YWHAG: variants seen among roughly 807,000 people sequenced by gnomAD.
YWHAG encodes tyrosine 3-monooxygenase/tryptophan 5-monooxygenase activation protein gamma.
YWHAG carries 1 observed loss-of-function variant against 23.3 expected under a neutral mutation model. That is an observed-to-expected ratio of 0.04 (90% CI 0.02 to 0.20). The LOEUF is 0.20. YWHAG is among the 10% of genes least tolerant of loss of function. The pLI is 1.00. For synonymous variants in YWHAG, 160 were observed against 144.0 expected, an observed-to-expected ratio of 1.11 and a Z score of -0.80; for missense variants, 151 against 338.6, an observed-to-expected ratio of 0.45 and a Z score of 4.35.
chr7:76,342,577 C>T (rs769616538), intron 1 of YWHAG, among the ~76,000 whole-genome samples: 7 of 152,132 alleles, frequency 4.6e-5, no homozygotes, highest in Non-Finnish European at 8.8e-5. Context: ...TTGAAACTGG[C>T]GAGACTGGTT....
At chr7:76,354,503 G>C (rs1296194653) in intron 1 of YWHAG, among the ~76,000 whole-genome samples, 3 of 152,152 alleles carry the variant, frequency 2.0e-5, no homozygotes, top group African/African-American at 7.2e-5. Context: ...CTGGGTGACA[G>C]AGCAAGACTC....
chr7:76,337,605 G>A (rs1020787054), intron 1 of YWHAG, among the ~76,000 whole-genome samples: 5 of 150,344 alleles, frequency 3.3e-5, no homozygotes, highest in Non-Finnish European at 5.9e-5. Flanking sequence ...TGTGATCTCG[G>A]CTCACTGTGG....
chr7:76,342,974 T>C (rs1271033679), intron 1 of YWHAG, among the ~76,000 whole-genome samples: 1 of 152,020 alleles, frequency 6.6e-6, no homozygotes. Context: ...CCGTCTCTAC[T>C]AAAAATACAA....
chr7:76,352,497 C>T (rs1803890080), intron 1 of YWHAG, among the ~76,000 whole-genome samples: 1 of 152,140 alleles, frequency 6.6e-6, no homozygotes, highest in Non-Finnish European at 1.5e-5. Flanking sequence ...GTACCTGGGT[C>T]CCACTCACCA....
chr7:76,334,656 T>A lies in YWHAG; in HGVS notation c.88-4423A>T, dbSNP rs549294325. 2.4e-4 allele frequency among the ~76,000 whole-genome samples: 37 copies of A among 151,798 alleles called. 1 individual carries two copies. The East Asian group carries it at 7.0e-3, about 29-fold the overall frequency. ...GTTTCGAACTCCTGAGCACAAGTGA[T>A]CCTCCAGCCTTGGCCTCCTAAAGTT... On this transcript the variant is annotated intron_variant, in intron 1 of 1. Transcript: ENST00000307630.
At position 76,348,341 on chromosome 7, in the gene YWHAG, C is replaced by T. The variant is rs531751823; in HGVS notation, c.87+10381G>A. Among the ~76,000 whole-genome samples, 7 of 150,070 alleles carry T rather than the reference C, an allele frequency of 4.7e-5. No homozygotes were observed. In the South Asian group the frequency reaches 1.3e-3, roughly 27 times the overall value. On this transcript the variant is annotated intron_variant, in intron 1 of 1. Coordinates refer to ENST00000307630, the MANE Select transcript of YWHAG (RefSeq NM_012479.4). ...TGGCACAATCTCAGCTCACTGTAGC[C>T]TGTCTCCCTGGTTCTAGTGATTCTC...
At chr7:76,334,809 C>T (rs1293648971) in intron 1 of YWHAG, among the ~76,000 whole-genome samples, 1 of 152,088 alleles carries the variant, frequency 6.6e-6, no homozygotes, top group Non-Finnish European at 1.5e-5. Context: ...ATGGCGTGAT[C>T]ACAGCTCACT....
rs201085040 is a variant in YWHAG, at chr7:76,348,265, G to GTTTTTT, written c.87+10451_87+10456dup. Among the ~76,000 whole-genome samples, 533 of 127,306 alleles carry GTTTTTT rather than the reference G, an allele frequency of 4.2e-3. 6 individuals are homozygous for GTTTTTT. The highest frequency in any genetic ancestry group is 0.015 in the African/African-American group (505 of 33,104). The allele number at this position is 127,306 out of a possible 152,430, so 83.5% of individuals were successfully genotyped here. ...ACTTAAAACAAGAGCCTTAGACTTC[G>GTTTTTT]TTTTTTTTTTTTTTTTTTGGAGATA... On this transcript the variant is annotated intron_variant, in intron 1 of 1. Transcript: ENST00000307630.
At chr7:76,334,898 G>A (rs1352939274) in intron 1 of YWHAG, among the ~76,000 whole-genome samples, 4 of 151,978 alleles carry the variant, frequency 2.6e-5, no homozygotes, top group South Asian at 2.1e-4. Context: ...TTGTTTCTAC[G>A]AATGCAACAC....
At chr7:76,339,143 GCTTT>G (rs1357917993) in intron 1 of YWHAG, among the ~76,000 whole-genome samples, 1 of 152,172 alleles carries the variant, frequency 6.6e-6, no homozygotes, top group Non-Finnish European at 1.5e-5. Flanking sequence ...ACACTTCTTT[GCTTT>G]CTGTGTGTTT....
At chr7:76,334,240 TAA>T (rs1204881584) in intron 1 of YWHAG, among the ~76,000 whole-genome samples, 1 of 152,128 alleles carries the variant, frequency 6.6e-6, no homozygotes, top group African/African-American at 2.4e-5. Flanking sequence ...TAAATTAAAA[TAA>T]GAGATCCCCA....
intron 1 of YWHAG, among the ~76,000 whole-genome samples, chr7:76,348,865 C>A (rs1038613383): frequency 8.3e-6 from 1 of 120,808 alleles, no homozygotes; most frequent in Non-Finnish European, 1.6e-5. Context: ...AAACCATGAG[C>A]CTTAGACTTT....
intron 1 of YWHAG, among the ~76,000 whole-genome samples, chr7:76,331,303 G>A (rs937692018): frequency 4.6e-5 from 7 of 151,986 alleles, no homozygotes; most frequent in Non-Finnish European, 7.3e-5. Context: ...GAGAGGAGAG[G>A]AGAGAAGAAA....
In YWHAG at chr7:76,358,932, G is replaced by C; in HGVS notation, c.-124C>G. The C allele has an allele frequency of 1.1e-6, 1 of 900,186 alleles. No homozygotes were observed. The highest frequency in any genetic ancestry group is 1.5e-6 in the Non-Finnish European group (1 of 652,410). 55.8% of individuals were successfully genotyped at this position (900,186 alleles called of 1,614,324 possible). A position where few individuals can be genotyped will look rare whatever the true frequency, so the allele number is the denominator to read the frequency against. On this transcript the variant is annotated 5_prime_UTR_variant, in exon 1 of 2. Transcript: ENST00000307630. The stretch of plus-strand genomic sequence containing the variant: ...ACCCACAGAGCGAGCAGCTGAGGCG[G>C]CGGCTGCGCGGAGGAGGCGGCTGGA...
intron 1 of YWHAG, among the ~76,000 whole-genome samples, chr7:76,343,265 A>C (rs1479191206): frequency 6.6e-6 from 1 of 150,592 alleles, no homozygotes; most frequent in Non-Finnish European, 1.5e-5. Context: ...AACACCCTAC[A>C]ATGCACAGGA....
chr7:76,343,890 T>C (rs1490828145), intron 1 of YWHAG, among the ~76,000 whole-genome samples: 3 of 152,196 alleles, frequency 2.0e-5, no homozygotes, highest in African/African-American at 7.2e-5. Flanking sequence ...TAACAAATAT[T>C]TGTTTGGGGT....
In YWHAG at chr7:76,328,721, A is replaced by G. The variant is rs143794132; in HGVS notation, c.*856T>C. ...TGACATACAGACCTGAATTTTCTCT[A>G]TTTTTGTGGCGTTTCACGTTTCTCT... On this transcript the variant is annotated 3_prime_UTR_variant, in exon 2 of 2. Coordinates refer to ENST00000307630, the MANE Select transcript of YWHAG (RefSeq NM_012479.4). 6.6e-6 allele frequency: 1 copy of G among 151,486 alleles called. No individual in the cohort carries two copies. Among genetic ancestry groups the G allele is most frequent in the African/African-American group, 2.4e-5 (1 of 41,116 alleles). 9.4% of individuals were successfully genotyped at this position (151,486 alleles called of 1,614,324 possible).
chr7:76,351,733 C>T lies in YWHAG; in HGVS notation c.87+6989G>A, dbSNP rs550299947. Among the ~76,000 whole-genome samples the T allele has an allele frequency of 4.4e-4, 67 of 152,310 alleles. 1 individual carries two copies. The highest frequency in any genetic ancestry group is 1.6e-3 in the African/African-American group (65 of 41,564). On this transcript the variant is annotated intron_variant, in intron 1 of 1. Transcript: ENST00000307630. Reference sequence around the variant, plus strand: ...GTCACTGTCTCCCATCACCCCCAGACGGGACCATCTAATTGTAGAACAAGC... The same window carrying T: ...GTCACTGTCTCCCATCACCCCCAGATGGGACCATCTAATTGTAGAACAAGC...
intron 1 of YWHAG, among the ~76,000 whole-genome samples, chr7:76,340,264 T>C (rs1366720795): frequency 6.6e-6 from 1 of 152,252 alleles, no homozygotes. Context: ...TCTACAAATA[T>C]AACCTATGGT....
Sources: gnomAD v4.1 joint callset for allele counts (sites outside exome capture counted in the v4.1 genomes callset) on GRCh38, gnomAD v4.1.1 for gene constraint, MANE v1.5 for transcripts, NCBI Gene and HGNC (gene_info 2026-07-23, HGNC 2026-07-21) for gene names.